The following SLC9C1 variants were observed in gnomAD, a reference collection of about 807,000 sequenced individuals.
The protein encoded by SLC9C1 is solute carrier family 9 member C1, also known as sodium/hydrogen exchanger 10.
Under a neutral mutation model 140.9 loss-of-function variants are expected in SLC9C1, and 97 were observed. The observed-to-expected ratio is 0.69, with a 90% CI of 0.58 to 0.82. The LOEUF is 0.82. SLC9C1 is among the 40% of genes least tolerant of loss of function. SLC9C1 has a pLI of 0.00. For missense variants in SLC9C1, 1,340 were observed against 1,389.3 expected, an observed-to-expected ratio of 0.96 and a Z score of 0.56; for synonymous variants, 440 against 442.6, an observed-to-expected ratio of 0.99 and a Z score of 0.07.
At chr3:112,293,153 T>C (rs2080737743) in intron 1 of SLC9C1, among the ~76,000 whole-genome samples, 1 of 148,970 alleles carries the variant, frequency 6.7e-6, no homozygotes. Flanking sequence ...TGGTGGCACA[T>C]GCCTGTAATC....
intron 28 of SLC9C1, chr3:112,147,614 T>A: frequency 3.1e-6 from 1 of 322,540 alleles, no homozygotes; most frequent in Non-Finnish European, 6.1e-6. Context: ...AGATCCCCAG[T>A]CTCTCCTGGC....
chr3:112,231,331 A>G (rs1411545976), intron 13 of SLC9C1, 30 bp downstream of exon 13: 7 of 1,608,964 alleles, frequency 4.4e-6, no homozygotes, highest in Non-Finnish European at 5.9e-6. Flanking sequence ...TTTTGGCCAA[A>G]CATAATTTCA....
At chr3:112,285,342 G>A (rs2080477674) in intron 2 of SLC9C1, among the ~76,000 whole-genome samples, 1 of 152,038 alleles carries the variant, frequency 6.6e-6, no homozygotes, top group Non-Finnish European at 1.5e-5. Context: ...AGGCTCGAGC[G>A]ATCCTCCCAC....
chr3:112,236,930 A>G (rs2079002862), intron 12 of SLC9C1, among the ~76,000 whole-genome samples: 1 of 152,208 alleles, frequency 6.6e-6, no homozygotes, highest in Non-Finnish European at 1.5e-5. Context: ...GCTGAGAAGA[A>G]TGTATATTCT....
intron 12 of SLC9C1, among the ~76,000 whole-genome samples, chr3:112,236,081 T>C (rs2078977791): frequency 6.6e-6 from 1 of 152,198 alleles, no homozygotes; most frequent in Non-Finnish European, 1.5e-5. Flanking sequence ...AGAATTCGGC[T>C]GTGAATCCAT....
At chr3:112,216,872 T>A (rs954701393) in intron 15 of SLC9C1, among the ~76,000 whole-genome samples, 1 of 152,178 alleles carries the variant, frequency 6.6e-6, no homozygotes, top group Non-Finnish European at 1.5e-5. Flanking sequence ...CCCAAAGGAT[T>A]ATAAATCATG....
chr3:112,239,639 G>A (rs555742908), intron 12 of SLC9C1, among the ~76,000 whole-genome samples: 2 of 152,160 alleles, frequency 1.3e-5, no homozygotes, highest in East Asian at 1.9e-4. Flanking sequence ...TATTCAAAGG[G>A]GTTATGACTT....
chr3:112,264,010 T>C (rs887479314), intron 9 of SLC9C1, among the ~76,000 whole-genome samples, 190 bp downstream of exon 9: 6 of 151,344 alleles, frequency 4.0e-5, no homozygotes, highest in South Asian at 2.1e-4. Context: ...AAAAAACTTA[T>C]AGAGTTTGCA....
intron 20 of SLC9C1, among the ~76,000 whole-genome samples, chr3:112,187,924 A>G (rs942025171): frequency 1.3e-5 from 2 of 151,974 alleles, no homozygotes; most frequent in African/African-American, 4.8e-5. Flanking sequence ...CTAATAGTGT[A>G]TCTTGGTGAA....
At chr3:112,217,774 G>T (rs2078425536) in intron 14 of SLC9C1, among the ~76,000 whole-genome samples, 1 of 152,106 alleles carries the variant, frequency 6.6e-6, no homozygotes, top group Non-Finnish European at 1.5e-5. Flanking sequence ...ATTAAAAATT[G>T]GAGATACATG....
intron 15 of SLC9C1, among the ~76,000 whole-genome samples, chr3:112,215,740 G>T (rs979537682): frequency 3.3e-5 from 5 of 152,180 alleles, no homozygotes; most frequent in Admixed American, 2.0e-4. Context: ...TCCATGCTCT[G>T]GGGTAGGAAG....
chr3:112,186,041 C>T, intron 20 of SLC9C1: 2 of 1,311,136 alleles, frequency 1.5e-6, no homozygotes, highest in Admixed American at 2.6e-5. Flanking sequence ...ATTTAAATAT[C>T]TTCCGCTGCA....
intron 12 of SLC9C1, among the ~76,000 whole-genome samples, chr3:112,239,453 C>A (rs921654160): frequency 2.6e-5 from 4 of 152,190 alleles, no homozygotes; most frequent in Non-Finnish European, 5.9e-5. Context: ...GTGCACTGCA[C>A]CCACTGTCCT....
In SLC9C1 at chr3:112,182,254, A is replaced by T; in HGVS notation, c.2528T>A (p.Ile843Asn). 1 of 1,598,900 alleles carries T rather than the reference A, an allele frequency of 6.3e-7. No individual in the cohort carries two copies. Among genetic ancestry groups the T allele is most frequent in the African/African-American group, 1.3e-5 (1 of 74,312 alleles). ...AAGCACCTCTTTCTTTTTGGCCATG[A>T]TTAACTAAAACATAAAATTTAAGAA... ...KTEGAGINKL[I>N]MAKKKEVLDS... Residue 843 changes from isoleucine to asparagine, a missense_variant, in exon 21 of 29, where the codon ATC (isoleucine) becomes AAC (asparagine). Coordinates refer to ENST00000305815, the MANE Select transcript of SLC9C1 (RefSeq NM_183061.3).
chr3:112,232,058 T>G (rs1387355527), intron 12 of SLC9C1, among the ~76,000 whole-genome samples: 2 of 152,204 alleles, frequency 1.3e-5, no homozygotes, highest in African/African-American at 4.8e-5. Context: ...AGAAAATTGA[T>G]GATATGCTCA....
In SLC9C1 at chr3:112,141,283, T is replaced by C; in HGVS notation, c.3525-2A>G. 6.3e-7 allele frequency: 1 copy of C among 1,583,078 alleles called. No individual in the cohort carries two copies. Among genetic ancestry groups the C allele is most frequent in the Non-Finnish European group, 8.6e-7 (1 of 1,166,428 alleles). On this transcript the variant is annotated splice_acceptor_variant, in intron 28 of 28. Coordinates refer to ENST00000305815, the MANE Select transcript of SLC9C1 (RefSeq NM_183061.3). LOFTEE classifies it high-confidence loss of function. ...TCTTCTTAACAGTCTTACTCTTTCCTAATAGAAGCGGAAAGAAAAAACAAA... is the reference window on the plus strand; with the variant it reads ...TCTTCTTAACAGTCTTACTCTTTCCCAATAGAAGCGGAAAGAAAAAACAAA...
chr3:112,275,058 A>T, intron 5 of SLC9C1, 33 bp from the exon 6 acceptor site: 1 of 1,530,390 alleles, frequency 6.5e-7, no homozygotes, highest in Non-Finnish European at 8.7e-7. Context: ...ATGTTTTTTA[A>T]AGTGAGAAAA....
At chr3:112,142,324 C>T (rs1176813894) in intron 28 of SLC9C1, among the ~76,000 whole-genome samples, 1 of 151,970 alleles carries the variant, frequency 6.6e-6, no homozygotes, top group Non-Finnish European at 1.5e-5. Context: ...CTATTTTCTC[C>T]ATTGTTAGGT....
Position 112,217,579 on chromosome 3 carries a change from T to G in SLC9C1, c.1671-18A>C, listed in dbSNP as rs1560081539. On this transcript the variant is annotated intron_variant, in intron 14 of 28. Transcript: ENST00000305815. ...TCATACATCTAGAAAAAGAGAGAAA[T>G]CTTTAAACATGCTTTAAACATTTTG... 1.9e-6 allele frequency: 3 copies of G among 1,556,002 alleles called. No homozygotes were observed. The highest frequency in any genetic ancestry group is 2.6e-6 in the Non-Finnish European group (3 of 1,154,670).
Sources: allele counts gnomAD v4.1 joint callset (sites outside exome capture counted in the v4.1 genomes callset), GRCh38; gene constraint gnomAD v4.1.1; transcripts MANE v1.5; gene names NCBI Gene and HGNC (gene_info 2026-07-23, HGNC 2026-07-21).